STXBP5: variants seen among roughly 807,000 people sequenced by gnomAD.
The protein encoded by STXBP5 is syntaxin-binding protein 5.
STXBP5 carries 50 observed loss-of-function variants against 152.4 expected under a neutral mutation model. The ratio of observed to expected loss-of-function variants is 0.33; its 90% CI spans 0.26 to 0.42. The LOEUF is 0.42. Among genes scored for constraint, STXBP5 ranks in the 10% least tolerant of loss-of-function variants. STXBP5 has a pLI of 1.00. For missense variants in STXBP5, 1,167 were observed against 1,388.6 expected, an observed-to-expected ratio of 0.84 and a Z score of 2.54; for synonymous variants, 492 against 494.7, an observed-to-expected ratio of 0.99 and a Z score of 0.07.
chr6:147,287,684 A>C (rs1371557131), intron 8 of STXBP5, among the ~76,000 whole-genome samples: 12 of 152,160 alleles, frequency 7.9e-5, no homozygotes, highest in Admixed American at 7.9e-4. Flanking sequence ...ATTAATGGGC[A>C]TTCCCTTTGT....
chr6:147,294,324 T>G (rs1781414472), intron 9 of STXBP5, among the ~76,000 whole-genome samples: 6 of 151,906 alleles, frequency 3.9e-5, no homozygotes, highest in Admixed American at 3.9e-4. Flanking sequence ...CAAATAAGCC[T>G]TCTCTGCTTG....
chr6:147,366,215 G>A (rs1264613516), intron 25 of STXBP5, among the ~76,000 whole-genome samples: 2 of 152,194 alleles, frequency 1.3e-5, no homozygotes, highest in African/African-American at 4.8e-5. Context: ...TATACCATAC[G>A]TGCTATTCAG....
At chr6:147,353,271 T>TA (rs1784670598) in intron 21 of STXBP5, 52 bp from the exon 22 acceptor site, 6 of 1,176,262 alleles carry the variant, frequency 5.1e-6, no homozygotes, top group South Asian at 1.5e-5. Context: ...CAGTTGATAT[T>TA]AGTATGAATC....
intron 2 of STXBP5, among the ~76,000 whole-genome samples, chr6:147,210,541 G>A (rs911274926): frequency 1.3e-5 from 2 of 152,074 alleles, no homozygotes; most frequent in African/African-American, 4.8e-5. Context: ...AATTCTGTGG[G>A]TTTGTCCAGC....
At chr6:147,222,731 C>T (rs535974677) in intron 2 of STXBP5, among the ~76,000 whole-genome samples, 51 of 152,286 alleles carry the variant, frequency 3.3e-4, no homozygotes, top group African/African-American at 1.2e-3. Flanking sequence ...TTTTCTCTTC[C>T]CTCTGCTGGT....
rs771757038 is a variant in STXBP5, at chr6:147,334,232, T to G, written c.2146+10T>G. On this transcript the variant is annotated intron_variant, in intron 19 of 27. Coordinates refer to ENST00000321680, the MANE Select transcript of STXBP5 (RefSeq NM_001127715.4). ...AAATCTCCAACCTCTGGTAATTTGG[T>G]TTTTTTTTATTTCATTAATAATTAT... 7.1e-5 allele frequency: 113 copies of G among 1,597,112 alleles called. No individual in the cohort carries two copies. The highest frequency in any genetic ancestry group is 1.1e-4 in the African/African-American group (8 of 74,090).
At position 147,256,267 on chromosome 6, in the gene STXBP5, A is replaced by C. The variant is rs564161692; in HGVS notation, c.432-4348A>C. 4.9e-4 allele frequency among the ~76,000 whole-genome samples: 74 copies of C among 152,336 alleles called. 1 individual carries two copies. The highest frequency in any genetic ancestry group is 3.4e-3 in the Middle Eastern group (1 of 294). On this transcript the variant is annotated intron_variant, in intron 4 of 27. Transcript: ENST00000321680. The stretch of plus-strand genomic sequence containing the variant: ...AAACATCCTTGTCAGCAGAGATAGC[A>C]ACAGAAAGATAGTCTCTGCCTCACT...
intron 25 of STXBP5, among the ~76,000 whole-genome samples, chr6:147,367,377 G>A (rs1426644087): frequency 2.6e-5 from 4 of 152,154 alleles, no homozygotes; most frequent in Non-Finnish European, 4.4e-5. Context: ...GGTGGCTCAC[G>A]CCTGTAATCC....
intron 2 of STXBP5, among the ~76,000 whole-genome samples, chr6:147,219,903 T>C (rs1297827974): frequency 6.6e-6 from 1 of 151,320 alleles, no homozygotes; most frequent in Non-Finnish European, 1.5e-5. Flanking sequence ...TTAACTGTTA[T>C]TATTTATTTT....
chr6:147,368,258 TAAAA>T (rs142712484), intron 25 of STXBP5, among the ~76,000 whole-genome samples: 1 of 149,838 alleles, frequency 6.7e-6, no homozygotes, highest in African/African-American at 2.5e-5. Flanking sequence ...CAAAATTTGT[TAAAA>T]AAAAAAAATT....
chr6:147,213,477 T>TGTGTGTGTGTGCGCGCGCGCGCGC, intron 2 of STXBP5, among the ~76,000 whole-genome samples: 5 of 131,274 alleles, frequency 3.8e-5, no homozygotes, highest in Admixed American at 7.5e-5. Flanking sequence ...TGTGTGTGTG[T>TGTGTGTGTGTGCGCGCGCGCGCGC]GCGCGCGCAT....
chr6:147,328,830 G>A, intron 18 of STXBP5: 1 of 462,104 alleles, frequency 2.2e-6, no homozygotes, highest in Non-Finnish European at 4.4e-6. Context: ...AAATCATTGG[G>A]AGTTTTTGTG....
rs970494940 is a variant in STXBP5 at position 147,247,752 on chromosome 6, T to G, written c.431+8482T>G. Among the ~76,000 whole-genome samples the G allele has an allele frequency of 5.9e-5, 9 of 152,310 alleles. No individual in the cohort carries two copies. The South Asian group carries it at 1.9e-3, about 32-fold the overall frequency. On this transcript the variant is annotated intron_variant, in intron 4 of 27. Coordinates refer to ENST00000321680, the MANE Select transcript of STXBP5 (RefSeq NM_001127715.4). ...GTGTGCAGTTAGTTAATTTAAAATC[T>G]TTGTTACACTTATATAGATTTTTAG...
intron 9 of STXBP5, among the ~76,000 whole-genome samples, chr6:147,294,213 G>T (rs1378118473): frequency 6.6e-6 from 1 of 152,036 alleles, no homozygotes; most frequent in East Asian, 1.9e-4. Flanking sequence ...AAATCCCATG[G>T]TGAATGGCAG....
intron 4 of STXBP5, among the ~76,000 whole-genome samples, chr6:147,253,354 G>A (rs1187286438): frequency 6.6e-6 from 1 of 152,068 alleles, no homozygotes; most frequent in Non-Finnish European, 1.5e-5. Context: ...ACATCATACC[G>A]AATGGGCAAA....
chr6:147,303,466 G>T (rs1056205853), intron 9 of STXBP5, among the ~76,000 whole-genome samples: 3 of 152,086 alleles, frequency 2.0e-5, no homozygotes, highest in Admixed American at 6.6e-5. Flanking sequence ...TCTTTTCTTT[G>T]TGAATTACTC....
chr6:147,356,490 T>C (rs1784820584), intron 22 of STXBP5, among the ~76,000 whole-genome samples: 1 of 151,740 alleles, frequency 6.6e-6, no homozygotes, highest in South Asian at 2.1e-4. Flanking sequence ...TCAAACTGTA[T>C]TGAGGTGTTG....
At chr6:147,372,407 C>CTTTTTTTTTTTTTTTTTTTTT (rs869251731) in intron 25 of STXBP5, among the ~76,000 whole-genome samples, 2 of 74,804 alleles carry the variant, frequency 2.7e-5, no homozygotes, top group Admixed American at 1.9e-4. Flanking sequence ...CGTCCTTTTC[C>CTTTTTTTTTTTTTTTTTTTTT]TTTTTTTTTT....
chr6:147,233,229 G>T (rs1778093871), intron 2 of STXBP5, among the ~76,000 whole-genome samples: 1 of 151,714 alleles, frequency 6.6e-6, no homozygotes, highest in Non-Finnish European at 1.5e-5. Context: ...TCCTGATTTG[G>T]TGTGCATACC....
Sources: allele counts gnomAD v4.1 joint callset (sites outside exome capture counted in the v4.1 genomes callset), GRCh38; gene constraint gnomAD v4.1.1; transcripts MANE v1.5; gene names NCBI Gene and HGNC (gene_info 2026-07-23, HGNC 2026-07-21).